THSD7A: variants seen among roughly 807,000 people sequenced by gnomAD.
THSD7A encodes the protein thrombospondin type 1 domain containing 7A, also known as thrombospondin type-1 domain-containing protein 7A.
Under a neutral mutation model 231.3 loss-of-function variants are expected in THSD7A, and 96 were observed. The observed-to-expected ratio is 0.41, with a 90% CI of 0.35 to 0.49. The LOEUF (loss-of-function observed/expected upper bound fraction) is 0.49. Ranked by LOEUF, THSD7A falls within the 20% of genes least tolerant of loss-of-function variation. The pLI, the probability that THSD7A is intolerant of heterozygous loss-of-function variation, is 0.05. For missense variants in THSD7A, 2,290 were observed against 2,070.2 expected, an observed-to-expected ratio of 1.11 and a Z score of -2.06; for synonymous variants, 940 against 743.3, an observed-to-expected ratio of 1.26 and a Z score of -4.30.
At position 11,831,625 on chromosome 7, in the gene THSD7A, T is replaced by A. The variant is rs934856090; in HGVS notation, c.190+132A>T. On this transcript the variant is annotated intron_variant, in intron 1 of 27. Coordinates refer to ENST00000423059, the MANE Select transcript of THSD7A (RefSeq NM_015204.3). The surrounding 1 kb of genome is among the most constrained non-coding windows in gnomAD (Gnocchi z 5.0). The stretch of plus-strand genomic sequence containing the variant: ...CATGACCTATTTGCTTCCTAAGAAA[T>A]CATACTTTTTACCTTAGGATACCAG... 2 of 534,744 alleles carry A rather than the reference T, an allele frequency of 3.7e-6. No individual in the cohort carries two copies. The highest frequency in any genetic ancestry group is 7.9e-5 in the East Asian group (2 of 25,404). 33.1% of individuals were successfully genotyped at this position (534,744 alleles called of 1,614,324 possible).
intron 1 of THSD7A, among the ~76,000 whole-genome samples, chr7:11,798,463 G>A (rs1307453663): frequency 6.7e-6 from 1 of 149,582 alleles, no homozygotes; most frequent in South Asian, 2.1e-4. Flanking sequence ...AGAGTGAGAC[G>A]CTATCTCCAA....
In THSD7A at chr7:11,437,610, A is replaced by G. The variant is rs184285588; in HGVS notation, c.3064+8451T>C. Among the ~76,000 whole-genome samples, 224 of 152,236 alleles carry G rather than the reference A, an allele frequency of 1.5e-3. 1 individual carries two copies. Among genetic ancestry groups the G allele is most frequent in the Admixed American group, 3.3e-3 (50 of 15,268 alleles). The stretch of plus-strand genomic sequence containing the variant: ...CTGAAATGCATTAGACATTAAATAA[A>G]TTCTACCAAATGGAAAAGCTCTTTG... On this transcript the variant is annotated intron_variant, in intron 13 of 27. Transcript: ENST00000423059.
chr7:11,461,112 A>G (rs1271312677), intron 10 of THSD7A, among the ~76,000 whole-genome samples: 1 of 152,160 alleles, frequency 6.6e-6, no homozygotes, highest in African/African-American at 2.4e-5. Flanking sequence ...ATTTTATTCA[A>G]GTTATGAAAC....
intron 1 of THSD7A, among the ~76,000 whole-genome samples, chr7:11,786,214 A>G (rs953677232): frequency 3.9e-5 from 6 of 151,972 alleles, no homozygotes; most frequent in Non-Finnish European, 8.8e-5. Context: ...TACGAAAACC[A>G]TCACTAACCC....
intron 1 of THSD7A, chr7:11,821,067 A>G: frequency 1.0e-6 from 1 of 992,456 alleles, no homozygotes; most frequent in Admixed American, 1.9e-5. Flanking sequence ...ATGTTTTATG[A>G]AAGTACTGCG....
At chr7:11,447,846 G>A (rs932517112) in intron 11 of THSD7A, among the ~76,000 whole-genome samples, 4 of 152,086 alleles carry the variant, frequency 2.6e-5, no homozygotes, top group African/African-American at 9.7e-5. Flanking sequence ...ATCTAATATT[G>A]TTTTATATCA....
intron 5 of THSD7A, 100 bp from the exon 6 acceptor site, chr7:11,541,731 G>A: frequency 9.1e-7 from 1 of 1,095,780 alleles, no homozygotes; most frequent in Middle Eastern, 2.9e-4. Flanking sequence ...TAAGAGTGGA[G>A]GTAGAAGTCA....
chr7:11,682,213 A>G (rs536722807), intron 1 of THSD7A, among the ~76,000 whole-genome samples: 4 of 152,226 alleles, frequency 2.6e-5, no homozygotes, highest in Admixed American at 2.0e-4. Context: ...GTACAAAGAA[A>G]CTGGCTAATA....
chr7:11,735,667 A>G (rs1562516446), intron 1 of THSD7A, among the ~76,000 whole-genome samples: 1 of 151,958 alleles, frequency 6.6e-6, no homozygotes, highest in South Asian at 2.1e-4. Flanking sequence ...CACAAGTTTT[A>G]TGAACTAGAG....
intron 4 of THSD7A, among the ~76,000 whole-genome samples, chr7:11,565,242 GA>G (rs1379718853): frequency 6.6e-6 from 1 of 152,178 alleles, no homozygotes; most frequent in African/African-American, 2.4e-5. Flanking sequence ...GTAGCATTTA[GA>G]ATTTGTGAAA....
chr7:11,453,331 T>A (rs1785202845), intron 11 of THSD7A, among the ~76,000 whole-genome samples: 1 of 151,850 alleles, frequency 6.6e-6, no homozygotes, highest in Non-Finnish European at 1.5e-5. Flanking sequence ...TTTACCTTTT[T>A]TTTTTTTTAA....
At chr7:11,503,818 G>A (rs1405966399) in intron 6 of THSD7A, among the ~76,000 whole-genome samples, 1 of 152,124 alleles carries the variant, frequency 6.6e-6, no homozygotes, top group Non-Finnish European at 1.5e-5. Flanking sequence ...AACAGATGCT[G>A]GCAAGGTTGC....
intron 1 of THSD7A, among the ~76,000 whole-genome samples, chr7:11,745,604 C>T (rs1782272673): frequency 6.6e-6 from 1 of 152,070 alleles, no homozygotes; most frequent in South Asian, 2.1e-4. Flanking sequence ...TTTAATCCAT[C>T]TTGAATTAAT....
chr7:11,825,961 C>A (rs1785014352), intron 1 of THSD7A, among the ~76,000 whole-genome samples: 1 of 152,034 alleles, frequency 6.6e-6, no homozygotes, highest in African/African-American at 2.4e-5. Flanking sequence ...GAATGATATC[C>A]CTCTCTCCTT....
In THSD7A at chr7:11,632,996, G is replaced by A. The variant is rs1781710999; in HGVS notation, c.1022+3134C>T. Among the ~76,000 whole-genome samples the A allele has an allele frequency of 6.6e-6, 1 of 152,092 alleles. No homozygotes were observed. Among genetic ancestry groups the A allele is most frequent in the Non-Finnish European group, 1.5e-5 (1 of 68,012 alleles). On this transcript the variant is annotated intron_variant, in intron 2 of 27. Transcript: ENST00000423059. This position sits in a 1 kb window ranked among gnomAD's most constrained non-coding sequence, Gnocchi z 4.1. Reference sequence around the variant, plus strand: ...TTAGTTTATTTGATGTTCTCAAACTGTTCTCTATGTCATTGACTCTTTTCA... The same window carrying A: ...TTAGTTTATTTGATGTTCTCAAACTATTCTCTATGTCATTGACTCTTTTCA...
intron 8 of THSD7A, among the ~76,000 whole-genome samples, chr7:11,470,489 G>T (rs778696746): frequency 1.3e-5 from 2 of 151,610 alleles, no homozygotes; most frequent in African/African-American, 2.4e-5. Flanking sequence ...TCTTTACACA[G>T]TACATGCTCA....
chr7:11,673,818 G>T, intron 1 of THSD7A, among the ~76,000 whole-genome samples: 1 of 152,088 alleles, frequency 6.6e-6, no homozygotes, highest in Non-Finnish European at 1.5e-5. Flanking sequence ...CTTGGGAAAA[G>T]CCTAGCCAGT....
chr7:11,712,079 T>A (rs775539292), intron 1 of THSD7A, among the ~76,000 whole-genome samples: 1 of 151,076 alleles, frequency 6.6e-6, no homozygotes, highest in African/African-American at 2.4e-5. Flanking sequence ...GGAAAGAGAC[T>A]ATGCAAATAT....
At chr7:11,612,737 A>G (rs903903181) in intron 2 of THSD7A, among the ~76,000 whole-genome samples, 2 of 152,198 alleles carry the variant, frequency 1.3e-5, no homozygotes, top group Admixed American at 1.3e-4. Flanking sequence ...TCATTTCATC[A>G]TATCCTAACC....
Sources: gnomAD v4.1 joint callset for allele counts (sites outside exome capture counted in the v4.1 genomes callset) on GRCh38, gnomAD v4.1.1 for gene constraint, Gnocchi (gnomAD v3.1) non-coding constraint, MANE v1.5 for transcripts, NCBI Gene and HGNC (gene_info 2026-07-23, HGNC 2026-07-21) for gene names.